The following ADAMTS3 variants were observed in gnomAD, a reference collection of about 807,000 sequenced individuals.
The protein encoded by ADAMTS3 is ADAM metallopeptidase with thrombospondin type 1 motif 3.
A neutral mutation model predicts 129.0 loss-of-function variants in ADAMTS3; 73 were observed. The ratio of observed to expected loss-of-function variants is 0.57; its 90% CI spans 0.47 to 0.69. ADAMTS3 has a LOEUF of 0.69. Ranked by LOEUF, ADAMTS3 falls within the 30% of genes least tolerant of loss-of-function variation. The probability of loss-of-function intolerance (pLI) is 0.00; values close to 1 mark genes in which losing one functional copy is unlikely to be tolerated. For missense variants in ADAMTS3, 1,457 were observed against 1,514.5 expected, an observed-to-expected ratio of 0.96 and a Z score of 0.63; for synonymous variants, 477 against 510.8, an observed-to-expected ratio of 0.93 and a Z score of 0.89.
At chr4:72,533,457 CAGAA>C (rs1721095381) in intron 3 of ADAMTS3, among the ~76,000 whole-genome samples, 1 of 151,782 alleles carries the variant, frequency 6.6e-6, no homozygotes, top group African/African-American at 2.4e-5. Flanking sequence ...TTTCTAATAA[CAGAA>C]GTACACTCTA....
At chr4:72,406,634 G>A (rs962433062) in intron 4 of ADAMTS3, among the ~76,000 whole-genome samples, 67 of 152,138 alleles carry the variant, frequency 4.4e-4, no homozygotes, top group East Asian at 1.9e-4. Flanking sequence ...AAATGGGAAC[G>A]AATGATGCTT....
intron 3 of ADAMTS3, among the ~76,000 whole-genome samples, chr4:72,423,122 C>T (rs894459463): frequency 2.6e-5 from 4 of 152,070 alleles, no homozygotes; most frequent in African/African-American, 4.8e-5. Context: ...TTCTCAGATC[C>T]GCTAAGGAAA....
At chr4:72,352,548 T>C (rs929890438) in intron 4 of ADAMTS3, among the ~76,000 whole-genome samples, 15 of 151,986 alleles carry the variant, frequency 9.9e-5, no homozygotes, top group African/African-American at 3.6e-4. Flanking sequence ...GAACCTAATC[T>C]GGCTCCTGCA....
chr4:72,524,828 C>A lies in ADAMTS3; in HGVS notation c.504+23650G>T, dbSNP rs578119498. ...GGATAATAATTTTATATTGCCAAAC[C>A]AAATATTTGAGTCAACTGAAGGGAA... On this transcript the variant is annotated intron_variant, in intron 3 of 21. Coordinates refer to ENST00000286657, the MANE Select transcript of ADAMTS3 (RefSeq NM_014243.3). Among the ~76,000 whole-genome samples the A allele has an allele frequency of 2.6e-5, 4 of 152,148 alleles. No individual in the cohort carries two copies. The South Asian group carries it at 8.3e-4, about 32-fold the overall frequency.
chr4:72,364,630 A>G (rs1720820994), intron 4 of ADAMTS3, among the ~76,000 whole-genome samples: 1 of 152,034 alleles, frequency 6.6e-6, no homozygotes, highest in Non-Finnish European at 1.5e-5. Flanking sequence ...AAAAAAAATC[A>G]ATAAATGTTG....
At chr4:72,400,052 G>GTA (rs1324665688) in intron 4 of ADAMTS3, among the ~76,000 whole-genome samples, 2 of 14,064 alleles carry the variant, frequency 1.4e-4, no homozygotes, top group African/African-American at 3.7e-4. Context: ...CACACGGTGT[G>GTA]TATATACGTG....
chr4:72,310,891 A>G (rs987162970), intron 14 of ADAMTS3, among the ~76,000 whole-genome samples, 157 bp downstream of exon 14: 9 of 152,108 alleles, frequency 5.9e-5, no homozygotes, highest in Non-Finnish European at 1.0e-4. Flanking sequence ...AGAAAGTACA[A>G]TGTCTCTCAA....
chr4:72,330,804 C>T (rs938936834), intron 5 of ADAMTS3: 1 of 152,092 alleles, frequency 6.6e-6, no homozygotes, highest in African/African-American at 2.4e-5. Context: ...TTGGAAAGCC[C>T]AAGAATAGGC....
At chr4:72,486,275 G>A (rs1578725959) in intron 3 of ADAMTS3, among the ~76,000 whole-genome samples, 1 of 152,124 alleles carries the variant, frequency 6.6e-6, no homozygotes, top group Admixed American at 6.6e-5. Flanking sequence ...GCTTTATCCA[G>A]TTCTAATGTA....
chr4:72,553,668 A>G (rs1721696280), intron 2 of ADAMTS3, among the ~76,000 whole-genome samples: 2 of 152,132 alleles, frequency 1.3e-5, no homozygotes, highest in Non-Finnish European at 2.9e-5. Context: ...TCTGGGAAGC[A>G]TAAGAAATTT....
intron 3 of ADAMTS3, among the ~76,000 whole-genome samples, chr4:72,491,009 G>A (rs976653680): frequency 1.3e-5 from 2 of 151,800 alleles, no homozygotes; most frequent in African/African-American, 4.8e-5. Context: ...ATGCTTTATA[G>A]TTTTTAGTGT....
chr4:72,422,615 A>C (rs1722474973), intron 3 of ADAMTS3, among the ~76,000 whole-genome samples: 1 of 152,142 alleles, frequency 6.6e-6, no homozygotes, highest in South Asian at 2.1e-4. Flanking sequence ...TTCCAGCTAC[A>C]TCACTCAACT....
chr4:72,518,623 G>T (rs1277423122), intron 3 of ADAMTS3, among the ~76,000 whole-genome samples: 1 of 151,990 alleles, frequency 6.6e-6, no homozygotes, highest in African/African-American at 2.4e-5. Flanking sequence ...ATCTTTGTTG[G>T]TTTAAAGTCT....
chr4:72,299,293 A>T (rs1209954520), intron 17 of ADAMTS3, among the ~76,000 whole-genome samples: 1 of 152,062 alleles, frequency 6.6e-6, no homozygotes, highest in African/African-American at 2.4e-5. Flanking sequence ...CCAGTGATGG[A>T]TGCACTGAAG....
intron 2 of ADAMTS3, among the ~76,000 whole-genome samples, chr4:72,558,415 C>A (rs1192335813): frequency 1.3e-5 from 2 of 151,620 alleles, no homozygotes; most frequent in Non-Finnish European, 2.9e-5. Flanking sequence ...ACTAAGTCCT[C>A]CTGCTACCAC....
intron 19 of ADAMTS3, among the ~76,000 whole-genome samples, chr4:72,292,518 T>C (rs997129741): frequency 6.6e-6 from 1 of 152,298 alleles, no homozygotes; most frequent in South Asian, 2.1e-4. Context: ...TCCAGAGGCA[T>C]TTTCCAAAAT....
chr4:72,504,720 A>G (rs1336841328), intron 3 of ADAMTS3, among the ~76,000 whole-genome samples: 2 of 152,152 alleles, frequency 1.3e-5, no homozygotes, highest in Non-Finnish European at 1.5e-5. Context: ...GTATGTTTGT[A>G]TGCTTTACAA....
intron 3 of ADAMTS3, among the ~76,000 whole-genome samples, chr4:72,524,721 T>C (rs1391921032): frequency 6.6e-6 from 1 of 152,086 alleles, no homozygotes; most frequent in African/African-American, 2.4e-5. Context: ...TCATTGTTAG[T>C]TTAGTATGTA....
intron 5 of ADAMTS3, among the ~76,000 whole-genome samples, chr4:72,326,764 TCA>T (rs1251866030): frequency 6.6e-6 from 1 of 152,136 alleles, no homozygotes; most frequent in Non-Finnish European, 1.5e-5. Flanking sequence ...ATTGCCTTAA[TCA>T]CAGTTTTTAC....
Sources: allele counts gnomAD v4.1 joint callset (sites outside exome capture counted in the v4.1 genomes callset), GRCh38; gene constraint gnomAD v4.1.1; transcripts MANE v1.5; gene names NCBI Gene and HGNC (gene_info 2026-07-23, HGNC 2026-07-21).